Variants in FBN2 observed in about 807,000 individuals in gnomAD.
The protein encoded by FBN2 is fibrillin-2.
A neutral mutation model predicts 355.6 loss-of-function variants in FBN2; 105 were observed. That is an observed-to-expected ratio of 0.30 (90% CI 0.25 to 0.35). The LOEUF is 0.35. Among genes scored for constraint, FBN2 ranks in the 10% least tolerant of loss-of-function variants. FBN2 has a pLI of 1.00. For synonymous variants in FBN2, 1,350 were observed against 1,301.2 expected (o/e 1.04, Z -0.81); for missense variants, 3,280 against 3,758.7 (o/e 0.87, Z 3.33).
At position 128,430,721 on chromosome 5, in the gene FBN2, A is replaced by G. The variant is rs186771375; in HGVS notation, c.952+15760T>C. Among the ~76,000 whole-genome samples the G allele has an allele frequency of 4.6e-3, 693 of 152,046 alleles. 15 individuals carry two copies. Among genetic ancestry groups the G allele is most frequent in the Non-Finnish European group, 1.5e-3 (103 of 67,968 alleles). On this transcript the variant is annotated intron_variant, in intron 7 of 64. Transcript: ENST00000262464. ...CAGCCAGGTGTGGTGGCACAGGCCT[A>G]TAATCCCAGCTACTCGGGAGGCTGA...
intron 25 of FBN2, 136 bp downstream of exon 25, chr5:128,344,249 T>C: frequency 1.1e-6 from 1 of 924,212 alleles, no homozygotes. Context: ...AGACCTTTTC[T>C]CTAAAAAGAA....
rs550765303 is a variant in FBN2 at position 128,259,108 on chromosome 5, A to C, written c.*347T>G. 5.5e-4 allele frequency: 113 copies of C among 205,624 alleles called. No individual in the cohort carries two copies. Among genetic ancestry groups the C allele is most frequent in the African/African-American group, 2.6e-3 (110 of 42,284 alleles). The allele number at this position is 205,624 out of a possible 1,614,324, so 12.7% of individuals were successfully genotyped here. On this transcript the variant is annotated 3_prime_UTR_variant, in exon 65 of 65. Transcript: ENST00000262464. ...AATTAGCAACTATAGCAAAATACCC[A>C]AAGTGTTACAGACTGCTAACAGGAA...
chr5:128,350,716 A>G (rs1349026167), intron 21 of FBN2, 152 bp downstream of exon 21: 1 of 847,446 alleles, frequency 1.2e-6, no homozygotes, highest in Non-Finnish European at 1.9e-6. Flanking sequence ...ACATTTTAAG[A>G]GGTAAAAAAC....
chr5:128,479,962 C>T (rs1581332754), intron 5 of FBN2, among the ~76,000 whole-genome samples: 2 of 37,530 alleles, frequency 5.3e-5, no homozygotes, highest in Non-Finnish European at 1.0e-4. Context: ...CTCTCTCTCT[C>T]TCTCTCTCTC....
At chr5:128,334,167 G>C (rs997616664) in intron 31 of FBN2, among the ~76,000 whole-genome samples, 17 of 152,012 alleles carry the variant, frequency 1.1e-4, no homozygotes, top group African/African-American at 4.1e-4. Flanking sequence ...AGTGAGCAAA[G>C]AAGGAAAGTG....
rs146582377 is a variant in FBN2, at chr5:128,444,351, C to T, written c.952+2130G>A. ...CCTCCCAAAGTGCTGGGATTACAGGCGTGAGCCACCGCGCCCGGCCCACTT... is the reference window on the plus strand; with the variant it reads ...CCTCCCAAAGTGCTGGGATTACAGGTGTGAGCCACCGCGCCCGGCCCACTT... On this transcript the variant is annotated intron_variant, in intron 7 of 64. Transcript: ENST00000262464. Among the ~76,000 whole-genome samples the T allele has an allele frequency of 1.6e-3, 238 of 152,238 alleles. 7 individuals carry two copies. In the East Asian group the frequency reaches 0.04, roughly 26 times the overall value.
intron 35 of FBN2, among the ~76,000 whole-genome samples, chr5:128,318,475 G>A (rs1485360987): frequency 1.3e-5 from 2 of 151,836 alleles, no homozygotes; most frequent in Non-Finnish European, 2.9e-5. Context: ...TTATGACAGC[G>A]TTTAACATCC....
In FBN2 at chr5:128,305,890, C is replaced by G. The variant is rs369319562; in HGVS notation, c.5481G>C (p.Gln1827His). The G allele has an allele frequency of 1.2e-6, 2 of 1,613,688 alleles. No homozygotes were observed. The highest frequency in any genetic ancestry group is 2.7e-5 in the African/African-American group (2 of 74,930). ...GGCATTCACAGCGGAAACTGCCAATCTGGTTAATGCACACACCATTTGCAC... is the reference window on the plus strand; with the variant it reads ...GGCATTCACAGCGGAAACTGCCAATGTGGTTAATGCACACACCATTTGCAC... The part of the protein sequence containing the change: ...GICANGVCIN[Q>H]IGSFRCECPT... Residue 1827 changes from glutamine (Q) to histidine (H), a missense_variant, in exon 43 of 65, where the codon CAG becomes CAC. This residue lies in a region of FBN2 where 2,284 missense variants were observed against 2,749.5 expected (regional missense o/e 0.83). Coordinates refer to ENST00000262464, the MANE Select transcript of FBN2 (RefSeq NM_001999.4).
At chr5:128,375,568 A>G (rs549361133) in intron 14 of FBN2, among the ~76,000 whole-genome samples, 33 of 152,340 alleles carry the variant, frequency 2.2e-4, no homozygotes, top group African/African-American at 7.0e-4. Flanking sequence ...ACTCAGAAAC[A>G]TAAGAATTCA....
intron 5 of FBN2, among the ~76,000 whole-genome samples, chr5:128,507,171 G>C (rs1347028472): frequency 6.6e-6 from 1 of 151,976 alleles, no homozygotes; most frequent in African/African-American, 2.4e-5. Flanking sequence ...TAAATGTTTG[G>C]TAGAATTCAC....
intron 7 of FBN2, among the ~76,000 whole-genome samples, chr5:128,444,057 T>TC (rs1213845605): frequency 1.9e-5 from 2 of 105,150 alleles, no homozygotes; most frequent in African/African-American, 7.6e-5. Context: ...ACTTGTTCTT[T>TC]TTTTTTTTTT....
intron 51 of FBN2, among the ~76,000 whole-genome samples, chr5:128,289,558 A>G (rs1237113291): frequency 6.6e-6 from 1 of 152,128 alleles, no homozygotes; most frequent in Non-Finnish European, 1.5e-5. Context: ...ACTGCATTCC[A>G]GCGGGCAACA....
chr5:128,522,490 A>G (rs1313704657), intron 4 of FBN2, among the ~76,000 whole-genome samples: 13 of 152,182 alleles, frequency 8.5e-5, no homozygotes, highest in African/African-American at 2.7e-4. Context: ...AAAATAGCAT[A>G]TAAGACAAAG....
intron 34 of FBN2, among the ~76,000 whole-genome samples, chr5:128,327,139 G>GA (rs748994933): frequency 1.3e-5 from 2 of 152,022 alleles, no homozygotes; most frequent in African/African-American, 2.4e-5. Context: ...CCAGGATTGG[G>GA]AAAAAAAGGA....
chr5:128,451,474 C>A (rs1385483986), intron 6 of FBN2, among the ~76,000 whole-genome samples: 2 of 151,932 alleles, frequency 1.3e-5, no homozygotes, highest in Non-Finnish European at 2.9e-5. Context: ...ATCTCGGCTC[C>A]CTGCAACCTC....
At chr5:128,400,602 A>T (rs906774493) in intron 8 of FBN2, among the ~76,000 whole-genome samples, 3 of 152,206 alleles carry the variant, frequency 2.0e-5, no homozygotes, top group Non-Finnish European at 4.4e-5. Context: ...TATAAAAATA[A>T]ATCATTTGTT....
intron 5 of FBN2, among the ~76,000 whole-genome samples, chr5:128,493,918 G>C (rs1026427921): frequency 2.0e-5 from 3 of 152,148 alleles, no homozygotes. Context: ...AAATGCTAAT[G>C]ACCCTATCTG....
At position 128,273,860 on chromosome 5, in the gene FBN2, G is replaced by T; in HGVS notation, c.7820C>A (p.Ala2607Asp). Reference protein sequence around the residue: ...CECQRGFSLDATGLNCEDVDE... With the variant: ...CECQRGFSLDDTGLNCEDVDE... ...CTAACCTTCACAGTTCAGTCCGGTG[G>T]CATCAAGAGAGAACCCTCTTTGGCA... is the stretch of plus-strand genomic sequence containing the variant. The change falls in exon 61 of 65, where the codon GCC becomes GAC. Residue 2607 changes from alanine to aspartate, a missense_variant. By Grantham distance (126) the Ala-to-Asp change is moderately radical. Transcript: ENST00000262464. The T allele has an allele frequency of 1.2e-6, 2 of 1,613,824 alleles. No individual in the cohort carries two copies. Among genetic ancestry groups the T allele is most frequent in the Non-Finnish European group, 1.7e-6 (2 of 1,179,816 alleles).
intron 5 of FBN2, among the ~76,000 whole-genome samples, chr5:128,484,236 T>C (rs969291751): frequency 3.3e-5 from 5 of 152,214 alleles, no homozygotes; most frequent in African/African-American, 9.7e-5. Flanking sequence ...AAGGATATTA[T>C]TTTCACGTAC....
Sources: allele counts gnomAD v4.1 joint callset (sites outside exome capture counted in the v4.1 genomes callset), GRCh38; gene constraint gnomAD v4.1.1; regional missense constraint gnomAD v4.1.1; transcripts MANE v1.5; gene names NCBI Gene and HGNC (gene_info 2026-07-23, HGNC 2026-07-21).